ANAPC2: variants seen among roughly 807,000 people sequenced by gnomAD.
ANAPC2 encodes the protein anaphase-promoting complex subunit 2.
In ANAPC2, 29 loss-of-function variants were observed where a neutral mutation model predicts 84.3. The ratio of observed to expected loss-of-function variants is 0.34; its 90% confidence interval spans 0.26 to 0.47. ANAPC2 has a LOEUF of 0.47. ANAPC2 is among the 20% of genes least tolerant of loss of function. The pLI is 1.00. For missense variants in ANAPC2, 857 were observed against 1,131.7 expected, an observed-to-expected ratio of 0.76 and a Z score of 3.48; for synonymous variants, 571 against 479.4, an observed-to-expected ratio of 1.19 and a Z score of -2.50.
chr9:137,175,602 C>T (rs1235995842), intron 11 of ANAPC2, 106 bp downstream of exon 11: 6 of 1,500,310 alleles, frequency 4.0e-6, no homozygotes, highest in African/African-American at 2.8e-5. Context: ...AAGGGTGCCG[C>T]CTGCTGGCGC....
intron 6 of ANAPC2, among the ~76,000 whole-genome samples, chr9:137,182,197 T>C (rs1834357980): frequency 6.6e-6 from 1 of 151,276 alleles, no homozygotes; most frequent in South Asian, 2.1e-4. Flanking sequence ...AGCGAGAGCC[T>C]GCCTCAAAAA....
intron 2 of ANAPC2, 53 bp downstream of exon 2, chr9:137,187,428 G>A: frequency 1.3e-6 from 2 of 1,551,980 alleles, no homozygotes; most frequent in Non-Finnish European, 1.7e-6. Flanking sequence ...ACCCAGGGGA[G>A]CAGCGGGGAA....
At chr9:137,180,050 G>T in intron 10 of ANAPC2, 131 bp downstream of exon 10, 1 of 970,580 alleles carries the variant, frequency 1.0e-6, no homozygotes, top group Non-Finnish European at 1.5e-6. Flanking sequence ...CTGCAGAGGC[G>T]GCTGCGAGAC....
chr9:137,175,216 C>T, intron 12 of ANAPC2, 21 bp downstream of exon 12: 1 of 1,609,234 alleles, frequency 6.2e-7, no homozygotes, highest in Non-Finnish European at 8.5e-7. Context: ...CCCTGGCCCC[C>T]CGTGGGGCCT....
chr9:137,188,241 A>G lies in ANAPC2; in HGVS notation c.118-138T>C, dbSNP rs891360330. 3.0e-6 allele frequency: 4 copies of G among 1,340,110 alleles called. No individual in the cohort carries two copies. The Admixed American group carries it at 7.3e-5, about 25-fold the overall frequency. 83.0% of individuals were successfully genotyped at this position (1,340,110 alleles called of 1,614,324 possible). A position where few individuals can be genotyped will look rare whatever the true frequency, so the allele number is the denominator to read the frequency against. On this transcript the variant is annotated intron_variant, in intron 1 of 12. Transcript: ENST00000323927. ...GCTGCCCGGACGTTGGGCCGAAGCT[A>G]TGGAAGGGCTGTCAGCGGAGCTGAA...
In ANAPC2 at chr9:137,175,413, G is replaced by T; in HGVS notation, c.2080C>A (p.Arg694=). The change falls in exon 12 of 13, where the codon CGG becomes AGG. Residue 694 remains arginine (R), a synonymous_variant. Coordinates refer to ENST00000323927, the MANE Select transcript of ANAPC2 (RefSeq NM_013366.4). ...AVKMPVALLR[R]RMSVWLQQGV... The stretch of plus-strand genomic sequence containing the variant: ...TGCTGCAGCCACACGGACATCCGCC[G>T]CCGCAGCAGCGCCACGGGCATCTTC... 6.2e-7 allele frequency: 1 copy of T among 1,606,640 alleles called. No homozygotes were observed.
chr9:137,180,535 G>A lies in ANAPC2; in HGVS notation c.1611-8C>T, dbSNP rs764707481. ...TCCACGTTGCGGATCTCCCTGGAAA[G>A]ACGAGTGTCTGGGCAGGGGGTCGTG... On this transcript the variant is annotated splice_polypyrimidine_tract_variant and splice_region_variant and intron_variant, in intron 8 of 12. Coordinates refer to ENST00000323927, the MANE Select transcript of ANAPC2 (RefSeq NM_013366.4). 3.1e-6 allele frequency: 5 copies of A among 1,612,986 alleles called. No homozygotes were observed. Among genetic ancestry groups the A allele is most frequent in the Admixed American group, 3.3e-5 (2 of 60,032 alleles).
In ANAPC2 at chr9:137,188,508, C is replaced by T. The variant is rs149020460; in HGVS notation, c.25G>A (p.Glu9Lys). 1 of 1,609,466 alleles carries T rather than the reference C, an allele frequency of 6.2e-7. No homozygotes were observed. The highest frequency in any genetic ancestry group is 1.7e-5 in the Admixed American group (1 of 59,916). MAAAVVVAEGDSDSRPGQE... is the reference protein window; with the variant it reads MAAAVVVAKGDSDSRPGQE... ...CCGGGCCGGGAGTCGCTGTCCCCCT[C>T]CGCCACCACAACTGCCGCCGCCATC... is the stretch of plus-strand genomic sequence containing the variant. Residue 9 changes from glutamate to lysine, a missense_variant, in exon 1 of 13, where the codon GAG becomes AAG. Transcript: ENST00000323927.
At position 137,175,486 on chromosome 9, in the gene ANAPC2, C is replaced by T. The variant is rs753420168; in HGVS notation, c.2021-14G>A. ...GGGTCCAGCTGGCTGCGTGCAGAGTCACCGGGACGCTGGGCAGCCTGGGCA... is the reference window on the plus strand; with the variant it reads ...GGGTCCAGCTGGCTGCGTGCAGAGTTACCGGGACGCTGGGCAGCCTGGGCA... On this transcript the variant is annotated splice_polypyrimidine_tract_variant and intron_variant, in intron 11 of 12. Coordinates refer to ENST00000323927, the MANE Select transcript of ANAPC2 (RefSeq NM_013366.4). 9 of 1,541,740 alleles carry T rather than the reference C, an allele frequency of 5.8e-6. No homozygotes were observed. The highest frequency in any genetic ancestry group is 2.4e-5 in the East Asian group (1 of 41,128).
At chr9:137,186,021 G>C (rs1834459340) in intron 3 of ANAPC2, among the ~76,000 whole-genome samples, 1 of 152,188 alleles carries the variant, frequency 6.6e-6, no homozygotes, top group African/African-American at 2.4e-5. Context: ...CAGATCCGAA[G>C]AGCGCACCTC....
At chr9:137,184,185 C>T (rs1458346545) in intron 4 of ANAPC2, among the ~76,000 whole-genome samples, 1 of 152,114 alleles carries the variant, frequency 6.6e-6, no homozygotes, top group South Asian at 2.1e-4. Context: ...GAGCCCCAGA[C>T]GTGGACACAG....
rs185838427 is a variant in ANAPC2, at chr9:137,183,474, G to A, written c.1168+198C>T. 9.2e-6 allele frequency: 8 copies of A among 874,006 alleles called. No individual in the cohort carries two copies. In the East Asian group the frequency reaches 1.9e-4, roughly 20 times the overall value. 54.1% of individuals were successfully genotyped at this position (874,006 alleles called of 1,614,324 possible). On this transcript the variant is annotated intron_variant, in intron 5 of 12. Transcript: ENST00000323927. The stretch of plus-strand genomic sequence containing the variant: ...CACCTCAGACCTACCGGTCAGTCCT[G>A]ACTCCCTCCAAAGAAGAAACAAGCA...
At chr9:137,175,969 G>GC in intron 10 of ANAPC2, 132 bp from the exon 11 acceptor site, 18 of 1,186,044 alleles carry the variant, frequency 1.5e-5, no homozygotes, top group Non-Finnish European at 2.1e-5. Flanking sequence ...AGGCAGGTGA[G>GC]CAGCGAGAGC....
Position 137,187,844 on chromosome 9 carries a change from A to C in ANAPC2, c.377T>G (p.Leu126Arg). ...GLLESRLDPY[L>R]RSLELLEKWT... is the part of the protein sequence containing the mutation. ...TTTCTCCAGCAGCTCTAGGCTACGC[A>C]GGTAGGGATCCAGGCGGCTCTCCAG... The change falls in exon 2 of 13, where the codon CTG becomes CGG. Residue 126 changes from leucine (L) to arginine (R), a missense_variant. Leu to Arg is a moderately radical substitution (Grantham distance 102, BLOSUM62 -2). Around this residue, in one of 3 missense-constraint regions of ANAPC2, gnomAD observed 428 missense variants for 513.8 expected, o/e 0.83. Transcript: ENST00000323927. 1 of 1,613,594 alleles carries C rather than the reference A, an allele frequency of 6.2e-7. No individual in the cohort carries two copies. Among genetic ancestry groups the C allele is most frequent in the East Asian group, 2.2e-5 (1 of 44,888 alleles).
At chr9:137,184,816 A>T in intron 4 of ANAPC2, 97 bp downstream of exon 4, 1 of 1,476,198 alleles carries the variant, frequency 6.8e-7, no homozygotes, top group Non-Finnish European at 9.2e-7. Flanking sequence ...CGGTGAAGGC[A>T]CAGGGAGCCC....
At chr9:137,175,668 G>C in intron 11 of ANAPC2, 40 bp downstream of exon 11, 6 of 1,590,334 alleles carry the variant, frequency 3.8e-6, no homozygotes, top group Non-Finnish European at 5.1e-6. Flanking sequence ...CAGCTGGGCC[G>C]TGTGGCCGGG....
chr9:137,182,882 C>T (rs1161204704), intron 6 of ANAPC2, among the ~76,000 whole-genome samples: 1 of 152,206 alleles, frequency 6.6e-6, no homozygotes, highest in East Asian at 1.9e-4. Flanking sequence ...TGAGGAAGGG[C>T]TGTGGTGGGC....
intron 6 of ANAPC2, among the ~76,000 whole-genome samples, chr9:137,182,798 C>T (rs745977012): frequency 1.1e-4 from 16 of 152,220 alleles, no homozygotes; most frequent in East Asian, 3.9e-4. Context: ...CTTGCCTGGT[C>T]GGCCTTGGGG....
At chr9:137,185,224 G>T in intron 3 of ANAPC2, 137 bp from the exon 4 acceptor site, 1 of 923,918 alleles carries the variant, frequency 1.1e-6, no homozygotes, top group Non-Finnish European at 1.6e-6. Flanking sequence ...TGCGTCTGGA[G>T]GCTGGAGCAC....
Sources: gnomAD v4.1 joint callset for allele counts (sites outside exome capture counted in the v4.1 genomes callset) on GRCh38, gnomAD v4.1.1 for gene constraint, gnomAD v4.1.1 regional missense constraint, MANE v1.5 for transcripts, NCBI Gene and HGNC (gene_info 2026-07-23, HGNC 2026-07-21) for gene names.